MMP20: variants seen among roughly 807,000 people sequenced by gnomAD.
MMP20 encodes matrix metalloproteinase-20.
MMP20 carries 50 observed loss-of-function variants against 51.8 expected under a neutral mutation model. The observed-to-expected ratio is 0.97, with a 90% CI of 0.77 to 1.22. The LOEUF (loss-of-function observed/expected upper bound fraction) is 1.22, where lower values mean the gene tolerates loss of function less well. MMP20 is among the 50% of genes most tolerant of loss of function. MMP20 has a pLI of 0.00. For missense variants in MMP20, 663 were observed against 601.4 expected (o/e 1.10, Z -1.07); for synonymous variants, 244 against 216.2 (o/e 1.13, Z -1.13).
intron 2 of MMP20, among the ~76,000 whole-genome samples, chr11:102,616,031 C>T (rs17099038): frequency 5.5e-4 from 83 of 152,188 alleles, no homozygotes; most frequent in African/African-American, 1.9e-3. Context: ...TTCCAGACTC[C>T]GTACCCTGAG....
intron 8 of MMP20, among the ~76,000 whole-genome samples, chr11:102,579,629 G>A (rs536522887): frequency 2.2e-4 from 33 of 152,068 alleles, no homozygotes; most frequent in African/African-American, 4.8e-4. Context: ...TGTTTAAATC[G>A]GGCTCTTAAA....
At chr11:102,600,774 T>C (rs2509017) in intron 6 of MMP20, among the ~76,000 whole-genome samples, 78,207 of 151,840 alleles carry the variant, frequency 0.52, 20,675 homozygotes, top group South Asian at 0.67. Flanking sequence ...GTGTGAGCCA[T>C]TGCGCCTGGC....
At chr11:102,607,863 C>T (rs974061275) in intron 5 of MMP20, 8 of 152,062 alleles carry the variant, frequency 5.3e-5, no homozygotes, top group African/African-American at 1.7e-4. Context: ...AACACTGCCA[C>T]CAAGGCTCTG....
At chr11:102,579,215 C>A in intron 8 of MMP20, 73 bp from the exon 9 acceptor site, 1 of 1,005,470 alleles carries the variant, frequency 9.9e-7, no homozygotes, top group South Asian at 1.3e-5. Flanking sequence ...CTATACTGGT[C>A]AGGCATATGG....
At chr11:102,580,805 C>G (rs530626837) in intron 8 of MMP20, among the ~76,000 whole-genome samples, 1 of 152,214 alleles carries the variant, frequency 6.6e-6, no homozygotes, top group African/African-American at 2.4e-5. Context: ...ACGTTAACAC[C>G]AAAAAGGCAG....
chr11:102,624,987 G>T (rs2459476), intron 1 of MMP20, among the ~76,000 whole-genome samples: 2 of 151,708 alleles, frequency 1.3e-5, no homozygotes, highest in Non-Finnish European at 2.9e-5. Flanking sequence ...ATATCCTCAT[G>T]TATTTATTCA....
intron 1 of MMP20, among the ~76,000 whole-genome samples, chr11:102,619,750 A>T (rs1008218791): frequency 6.6e-5 from 10 of 151,818 alleles, no homozygotes; most frequent in Non-Finnish European, 1.5e-4. Flanking sequence ...ATTTAAGATG[A>T]TGTATTTTTA....
At chr11:102,584,381 G>T (rs1338566896) in intron 8 of MMP20, among the ~76,000 whole-genome samples, 1 of 152,242 alleles carries the variant, frequency 6.6e-6, no homozygotes, top group African/African-American at 2.4e-5. Flanking sequence ...CATGACTATT[G>T]ATGTTGAGCA....
intron 2 of MMP20, among the ~76,000 whole-genome samples, chr11:102,616,473 A>AT (rs1591623664): frequency 6.6e-6 from 1 of 152,244 alleles, no homozygotes; most frequent in Admixed American, 6.5e-5. Flanking sequence ...TTAGTAGGTT[A>AT]TTTTTTTCTT....
At chr11:102,590,255 C>T (rs538517551) in intron 8 of MMP20, among the ~76,000 whole-genome samples, 126 of 152,258 alleles carry the variant, frequency 8.3e-4, no homozygotes, top group Non-Finnish European at 1.7e-3. Context: ...CCATTAGGGC[C>T]TGCTAGAAAG....
chr11:102,594,873 T>A, intron 6 of MMP20, 116 bp from the exon 7 acceptor site: 1 of 1,324,114 alleles, frequency 7.6e-7, no homozygotes, highest in Non-Finnish European at 1.0e-6. Flanking sequence ...TGCCCTTTGC[T>A]CTTGCCTTGC....
In MMP20 at chr11:102,577,392, G is replaced by T; in HGVS notation, c.1386C>A (p.Tyr462Ter). The T allele has an allele frequency of 6.2e-7, 1 of 1,613,966 alleles. No individual in the cohort carries two copies. The highest frequency in any genetic ancestry group is 8.5e-7 in the Non-Finnish European group (1 of 1,179,890). Residue 462 changes from tyrosine to a stop codon, truncating the protein, a stop_gained, in exon 10 of 10, where the codon TAC becomes TAA. Transcript: ENST00000260228. LOFTEE classifies it high-confidence loss of function. ...CATCTTCCTTCTCTGTGTCATACTT[G>T]TATGTTTTTGGTCCTGAAAAGAAGT... ...YIYFFSGPKT[Y>*]KYDTEKEDVV...
Position 102,576,869 on chromosome 11 carries a change from T to G in MMP20, c.*457A>C, listed in dbSNP as rs1388805637. 5.9e-6 allele frequency: 1 copy of G among 170,652 alleles called. No individual in the cohort carries two copies. The highest frequency in any genetic ancestry group is 1.3e-5 in the Non-Finnish European group (1 of 78,564). 10.6% of individuals were successfully genotyped at this position (170,652 alleles called of 1,614,324 possible). On this transcript the variant is annotated 3_prime_UTR_variant, in exon 10 of 10. Coordinates refer to ENST00000260228, the MANE Select transcript of MMP20 (RefSeq NM_004771.4). ...GTCTTTTAAGTAAAAATTGGGAAATTTATATTTATTATAACAAATGATGGC... is the reference window on the plus strand; with the variant it reads ...GTCTTTTAAGTAAAAATTGGGAAATGTATATTTATTATAACAAATGATGGC...
chr11:102,612,318 A>T (rs948441931), intron 2 of MMP20, among the ~76,000 whole-genome samples: 6 of 152,176 alleles, frequency 3.9e-5, no homozygotes, highest in African/African-American at 1.4e-4. Flanking sequence ...TACAAAAATT[A>T]GCTGGGCGTG....
chr11:102,622,749 C>A (rs898501923), intron 1 of MMP20, among the ~76,000 whole-genome samples: 2 of 152,166 alleles, frequency 1.3e-5, no homozygotes, highest in Non-Finnish European at 2.9e-5. Context: ...AGAACAGGGG[C>A]TTGATTTGTT....
intron 6 of MMP20, among the ~76,000 whole-genome samples, chr11:102,603,926 C>T (rs1464844836): frequency 1.3e-5 from 2 of 152,250 alleles, no homozygotes; most frequent in East Asian, 1.9e-4. Flanking sequence ...TGTTATCACC[C>T]TCAGTATTTA....
intron 6 of MMP20, among the ~76,000 whole-genome samples, chr11:102,600,465 C>T (rs1357052770): frequency 6.6e-6 from 1 of 151,992 alleles, no homozygotes; most frequent in Non-Finnish European, 1.5e-5. Flanking sequence ...TCTTTTGTTT[C>T]CCCCCATTTG....
intron 8 of MMP20, among the ~76,000 whole-genome samples, chr11:102,584,584 C>T (rs1046609302): frequency 1.3e-5 from 2 of 152,040 alleles, no homozygotes; most frequent in Non-Finnish European, 2.9e-5. Context: ...TGTCTTTTTA[C>T]TTTGTTGATA....
chr11:102,604,880 C>T (rs575170007), intron 6 of MMP20, among the ~76,000 whole-genome samples: 33 of 152,176 alleles, frequency 2.2e-4, no homozygotes, highest in Admixed American at 1.3e-3. Flanking sequence ...GAAATCATTG[C>T]GCCCTACTCC....
Sources: allele counts gnomAD v4.1 joint callset (sites outside exome capture counted in the v4.1 genomes callset), GRCh38; gene constraint gnomAD v4.1.1; transcripts MANE v1.5; gene names NCBI Gene and HGNC (gene_info 2026-07-23, HGNC 2026-07-21).